CNTN5: variants seen among roughly 807,000 people sequenced by gnomAD.
CNTN5 encodes the protein contactin-5.
A neutral mutation model predicts 129.1 loss-of-function variants in CNTN5; 77 were observed. The observed-to-expected ratio is 0.60, with a 90% CI of 0.50 to 0.72. The LOEUF is 0.72. Ranked by LOEUF, CNTN5 falls within the 30% of genes least tolerant of loss-of-function variation. The pLI, the probability that CNTN5 is intolerant of heterozygous loss-of-function variation, is 0.00. For synonymous variants in CNTN5, 509 were observed against 465.6 expected, an observed-to-expected ratio of 1.09 and a Z score of -1.20; for missense variants, 1,478 against 1,328.8, an observed-to-expected ratio of 1.11 and a Z score of -1.75.
rs11223571 is a variant in CNTN5, at chr11:100,298,775, C to G, written c.2386-387C>G. On this transcript the variant is annotated intron_variant, in intron 19 of 24. Coordinates refer to ENST00000524871, the MANE Select transcript of CNTN5 (RefSeq NM_014361.4). ...CATCATTATATCTTACTTTTGTGGT[C>G]TAAAGGGTTCTGCAGAGCATTACCA... Among the ~76,000 whole-genome samples the G allele has an allele frequency of 2.6e-3, 393 of 151,428 alleles. 10 individuals are homozygous for G. In the South Asian group the frequency reaches 0.042, roughly 16 times the overall value.
intron 2 of CNTN5, among the ~76,000 whole-genome samples, chr11:99,403,027 G>A (rs1264420656): frequency 1.6e-5 from 2 of 127,204 alleles, no homozygotes; most frequent in Non-Finnish European, 3.4e-5. Context: ...TTTTTTTTGA[G>A]ATGGAGTCTT....
At position 100,066,704 on chromosome 11, in the gene CNTN5, C is replaced by A. The variant is rs1943708825; in HGVS notation, c.1163-3720C>A. ...TAGGTTTGTTTTAAATGTGGCCCAA[C>A]CTGTGATTTTTCTTTCCCAGACAGA... On this transcript the variant is annotated intron_variant, in intron 10 of 24. Transcript: ENST00000524871. Among the ~76,000 whole-genome samples the A allele has an allele frequency of 2.0e-5, 3 of 151,984 alleles. No homozygotes were observed. In the South Asian group the frequency reaches 6.2e-4, roughly 32 times the overall value.
chr11:99,237,517 C>A (rs1316100144), intron 1 of CNTN5, among the ~76,000 whole-genome samples: 1 of 152,040 alleles, frequency 6.6e-6, no homozygotes, highest in Non-Finnish European at 1.5e-5. Context: ...CCTGTCTCTA[C>A]TAAAATATGA....
intron 1 of CNTN5, among the ~76,000 whole-genome samples, chr11:99,059,358 T>C (rs961768834): frequency 1.3e-5 from 2 of 152,110 alleles, no homozygotes; most frequent in African/African-American, 4.8e-5. Context: ...GAGGGAACTT[T>C]ACTTCATTTT....
chr11:99,964,893 G>A (rs11222075), intron 8 of CNTN5, among the ~76,000 whole-genome samples: 8,600 of 152,238 alleles, frequency 0.056, 275 homozygotes, highest in Non-Finnish European at 0.076. Context: ...TCTTGGGAGG[G>A]TGTATGTGTT....
intron 16 of CNTN5, among the ~76,000 whole-genome samples, chr11:100,234,308 G>T (rs1471757124): frequency 6.6e-6 from 1 of 152,112 alleles, no homozygotes; most frequent in Non-Finnish European, 1.5e-5. Context: ...ATACCCAAAG[G>T]ATTATAAATC....
chr11:99,023,596 T>C (rs1010555999), intron 1 of CNTN5, among the ~76,000 whole-genome samples: 4 of 152,210 alleles, frequency 2.6e-5, no homozygotes, highest in African/African-American at 7.2e-5. Context: ...ATGATTTGAC[T>C]GTAGAGAGTT....
chr11:99,556,190 A>T lies in CNTN5; in HGVS notation c.-25A>T. ...CACCAGAGCTGTTAAACACATTGAG[A>T]CACAGAAGATTCTAGTGACTGAGGA... On this transcript the variant is annotated 5_prime_UTR_variant, in exon 3 of 25. Coordinates refer to ENST00000524871, the MANE Select transcript of CNTN5 (RefSeq NM_014361.4). 1 of 1,445,000 alleles carries T rather than the reference A, an allele frequency of 6.9e-7. No homozygotes were observed. Among genetic ancestry groups the T allele is most frequent in the Non-Finnish European group, 9.4e-7 (1 of 1,067,268 alleles). The allele number at this position is 1,445,000 out of a possible 1,614,324, so 89.5% of individuals were successfully genotyped here.
chr11:99,167,437 A>G (rs975018831), intron 1 of CNTN5, among the ~76,000 whole-genome samples: 2 of 152,190 alleles, frequency 1.3e-5, no homozygotes, highest in African/African-American at 2.4e-5. Flanking sequence ...ACCAACACTT[A>G]TACTGAACTA....
In CNTN5 at chr11:100,013,620, G is replaced by A. The variant is rs370703537; in HGVS notation, c.980+11484G>A. On this transcript the variant is annotated intron_variant, in intron 9 of 24. Coordinates refer to ENST00000524871, the MANE Select transcript of CNTN5 (RefSeq NM_014361.4). Reference sequence around the variant, plus strand: ...ACAGGAATGAATTTAGGCAAATTATGTATCCCATTTGACCTGTTTCCTTAT... The same window carrying A: ...ACAGGAATGAATTTAGGCAAATTATATATCCCATTTGACCTGTTTCCTTAT... Among the ~76,000 whole-genome samples, 42 of 152,250 alleles carry A rather than the reference G, an allele frequency of 2.8e-4. No individual in the cohort carries two copies. In the East Asian group the frequency reaches 2.9e-3, roughly 11 times the overall value.
intron 3 of CNTN5, among the ~76,000 whole-genome samples, chr11:99,767,051 G>T (rs1218096364): frequency 1.3e-5 from 2 of 152,008 alleles, no homozygotes; most frequent in Non-Finnish European, 2.9e-5. Context: ...GCCAAATGCA[G>T]CTGTTTTCTA....
intron 16 of CNTN5, among the ~76,000 whole-genome samples, chr11:100,245,576 A>G (rs1024161230): frequency 1.3e-5 from 2 of 152,078 alleles, no homozygotes; most frequent in Non-Finnish European, 2.9e-5. Context: ...AGTCAACCAC[A>G]AAGTCTACTT....
chr11:100,118,131 A>G (rs908440103), intron 13 of CNTN5, among the ~76,000 whole-genome samples: 2 of 151,858 alleles, frequency 1.3e-5, no homozygotes, highest in African/African-American at 4.8e-5. Context: ...ATGGTATGAG[A>G]TAAATATGTA....
At chr11:100,262,210 G>A (rs996855293) in intron 17 of CNTN5, among the ~76,000 whole-genome samples, 8 of 152,146 alleles carry the variant, frequency 5.3e-5, no homozygotes, top group Admixed American at 1.3e-4. Flanking sequence ...CATCATCACT[G>A]GTCATTAGGG....
intron 1 of CNTN5, among the ~76,000 whole-genome samples, chr11:99,085,559 T>G (rs1019886083): frequency 6.6e-6 from 1 of 152,172 alleles, no homozygotes; most frequent in African/African-American, 2.4e-5. Flanking sequence ...TCATACTTTT[T>G]GGTGCCTTGT....
chr11:100,037,282 G>T (rs1942077255), intron 9 of CNTN5, among the ~76,000 whole-genome samples: 1 of 150,744 alleles, frequency 6.6e-6, no homozygotes, highest in South Asian at 2.1e-4. Flanking sequence ...ATTGATTTGT[G>T]TATATTGAAC....
chr11:99,747,032 A>G (rs1944075409), intron 3 of CNTN5, among the ~76,000 whole-genome samples: 1 of 152,216 alleles, frequency 6.6e-6, no homozygotes, highest in Admixed American at 6.5e-5. Flanking sequence ...TTGCAACAAT[A>G]TTCATTCTTC....
chr11:99,336,393 T>C (rs72983761), intron 2 of CNTN5, among the ~76,000 whole-genome samples: 455 of 152,314 alleles, frequency 3.0e-3, no homozygotes, highest in Non-Finnish European at 4.6e-3. Context: ...TTTTACTATT[T>C]GTCTTATATT....
rs890756649 is a variant in CNTN5 at position 99,247,143 on chromosome 11, A to T, written c.-209-78203A>T. Among the ~76,000 whole-genome samples the T allele has an allele frequency of 3.3e-5, 5 of 152,274 alleles. No homozygotes were observed. The East Asian group carries it at 7.7e-4, about 24-fold the overall frequency. On this transcript the variant is annotated intron_variant, in intron 1 of 24. Coordinates refer to ENST00000524871, the MANE Select transcript of CNTN5 (RefSeq NM_014361.4). The stretch of plus-strand genomic sequence containing the variant: ...GAACATTTGTTCAAAACTTCTTGGG[A>T]TAATTTTCTGGAGTTATTAGCATTG...
Sources: allele counts gnomAD v4.1 joint callset (sites outside exome capture counted in the v4.1 genomes callset), GRCh38; gene constraint gnomAD v4.1.1; transcripts MANE v1.5; gene names NCBI Gene and HGNC (gene_info 2026-07-23, HGNC 2026-07-21).